The following TTC7A variants were observed in gnomAD, a reference collection of about 807,000 sequenced individuals.
TTC7A encodes tetratricopeptide repeat domain 7A.
A neutral mutation model predicts 103.7 loss-of-function variants in TTC7A; 110 were observed. The observed-to-expected ratio is 1.06, with a 90% confidence interval of 0.91 to 1.24. The LOEUF is 1.24. TTC7A is among the 50% of genes most tolerant of loss of function. TTC7A has a pLI of 0.00. For synonymous variants in TTC7A, 521 were observed against 467.9 expected (o/e 1.11, Z -1.47); for missense variants, 1,340 against 1,116.3 (o/e 1.20, Z -2.86).
chr2:47,014,624 T>C (rs1678442763), intron 11 of TTC7A, among the ~76,000 whole-genome samples: 1 of 152,170 alleles, frequency 6.6e-6, no homozygotes, highest in Admixed American at 6.5e-5. Flanking sequence ...CAGGGGGTGT[T>C]CGTGCATGAG....
intron 2 of TTC7A, among the ~76,000 whole-genome samples, chr2:46,918,190 C>T (rs1253606622): frequency 6.6e-6 from 1 of 152,182 alleles, no homozygotes; most frequent in Non-Finnish European, 1.5e-5. Flanking sequence ...AAACCTGCAC[C>T]TCTCTCAGTC....
At chr2:46,977,629 G>T (rs1674006969) in intron 4 of TTC7A, among the ~76,000 whole-genome samples, 1 of 152,212 alleles carries the variant, frequency 6.6e-6, no homozygotes, top group South Asian at 2.1e-4. Context: ...TTAGATGTTT[G>T]TGGAATGAAT....
At chr2:46,931,591 G>A (rs1572651152) in intron 2 of TTC7A, among the ~76,000 whole-genome samples, 3 of 152,058 alleles carry the variant, frequency 2.0e-5, no homozygotes. Flanking sequence ...GTAGAAAGGG[G>A]TCACCAGCCA....
At chr2:47,009,886 G>GTTTTT (rs34401578) in intron 10 of TTC7A, among the ~76,000 whole-genome samples, 1 of 93,522 alleles carries the variant, frequency 1.1e-5, no homozygotes, top group Non-Finnish European at 2.0e-5. Flanking sequence ...GTGTGTGTGT[G>GTTTTT]TTTTTTTTTT....
At chr2:46,998,083 C>T (rs1044942135) in intron 8 of TTC7A, among the ~76,000 whole-genome samples, 2 of 152,050 alleles carry the variant, frequency 1.3e-5, no homozygotes, top group African/African-American at 4.8e-5. Flanking sequence ...GGTTGGCTGG[C>T]CAGGTGGTGT....
At chr2:47,045,013 G>A (rs1682164876) in intron 15 of TTC7A, among the ~76,000 whole-genome samples, 1 of 152,222 alleles carries the variant, frequency 6.6e-6, no homozygotes, top group Admixed American at 6.5e-5. Context: ...GATGGAGCAG[G>A]CCTGTGTGCT....
intron 3 of TTC7A, among the ~76,000 whole-genome samples, chr2:46,970,175 G>A (rs1023850165): frequency 1.3e-5 from 2 of 152,054 alleles, no homozygotes; most frequent in African/African-American, 2.4e-5. Flanking sequence ...ATTTTGGGGG[G>A]GACGGGGTTT....
chr2:47,053,547 G>GTTTGTTTGT (rs1553410727), intron 18 of TTC7A, among the ~76,000 whole-genome samples: 4,173 of 72,246 alleles, frequency 0.058, 68 homozygotes, highest in Non-Finnish European at 0.07. Flanking sequence ...TGTTTGTTTG[G>GTTTGTTTGT]TTGGTTGGTT....
In TTC7A at chr2:47,050,033, T is replaced by C. The variant is rs772003502; in HGVS notation, c.2004T>C (p.His668=). 2.5e-6 allele frequency: 4 copies of C among 1,613,872 alleles called. No homozygotes were observed. In the South Asian group the frequency reaches 4.4e-5, roughly 18 times the overall value. ...TGCACCTGACTTTGCCTGATGCCCA[T>C]GATGCAGACTCTGGTAAGAACGAGC... The part of the protein sequence containing the change: ...SGMHLTLPDA[H]DADSGSRRAS... Residue 668 remains histidine, a synonymous_variant, in exon 17 of 20, where the codon CAT becomes CAC. Coordinates refer to ENST00000319190, the MANE Select transcript of TTC7A (RefSeq NM_020458.4).
At chr2:46,917,052 C>T (rs905199027) in intron 1 of TTC7A, 7 of 624,660 alleles carry the variant, frequency 1.1e-5, no homozygotes, top group African/African-American at 1.1e-4. Context: ...TAGTTAGATG[C>T]CTTGAAAGTT....
chr2:46,990,008 A>G (rs927170124), intron 5 of TTC7A, among the ~76,000 whole-genome samples: 7 of 152,172 alleles, frequency 4.6e-5, no homozygotes, highest in Non-Finnish European at 1.0e-4. Context: ...AAGGGGCCAC[A>G]GTCATTCTTG....
chr2:47,040,974 A>C (rs11884118), intron 15 of TTC7A, among the ~76,000 whole-genome samples: 5,909 of 152,272 alleles, frequency 0.039, 154 homozygotes, highest in South Asian at 0.075. Context: ...GAGGGCATAA[A>C]TGTTGAAAGC....
At chr2:46,979,784 C>T (rs1674254691) in intron 5 of TTC7A, among the ~76,000 whole-genome samples, 1 of 152,220 alleles carries the variant, frequency 6.6e-6, no homozygotes, top group Non-Finnish European at 1.5e-5. Flanking sequence ...GCTGAGGTTT[C>T]CTGCCTGTCT....
At chr2:47,019,733 C>A (rs1484817400) in intron 11 of TTC7A, among the ~76,000 whole-genome samples, 1 of 148,664 alleles carries the variant, frequency 6.7e-6, no homozygotes, top group African/African-American at 2.6e-5. Context: ...CTGAAGCTGG[C>A]ATTTGCTGAG....
chr2:46,967,166 T>G (rs961485856), intron 3 of TTC7A, among the ~76,000 whole-genome samples: 3 of 152,084 alleles, frequency 2.0e-5, no homozygotes, highest in African/African-American at 7.2e-5. Flanking sequence ...TGAGCTGAGA[T>G]TGTGCCACTG....
intron 5 of TTC7A, among the ~76,000 whole-genome samples, chr2:46,992,020 C>G (rs929619753): frequency 2.6e-5 from 4 of 152,198 alleles, no homozygotes; most frequent in Admixed American, 2.6e-4. Flanking sequence ...CCCCCAGGAG[C>G]CTGTTTTGTG....
At chr2:46,959,499 G>A (rs1367400291) in intron 3 of TTC7A, among the ~76,000 whole-genome samples, 3 of 152,110 alleles carry the variant, frequency 2.0e-5, no homozygotes, top group Admixed American at 6.5e-5. Context: ...GCCTGAGCTG[G>A]TCAGGCTAGG....
In TTC7A at chr2:46,941,773, C is replaced by T; in HGVS notation, c.184+48C>T. ...TCGCCGGCAGCGAGCGCGCGAAACG[C>T]ACCGCCTCCTCCAGGAAGCGCGCCC... On this transcript the variant is annotated intron_variant, in intron 1 of 19. Transcript: ENST00000319190. This position sits in a 1 kb window ranked among gnomAD's most constrained non-coding sequence, Gnocchi z 4.2. 6.5e-7 allele frequency: 1 copy of T among 1,545,436 alleles called. No homozygotes were observed. Among genetic ancestry groups the T allele is most frequent in the South Asian group, 1.2e-5 (1 of 83,772 alleles).
intron 1 of TTC7A, among the ~76,000 whole-genome samples, chr2:46,945,260 T>C (rs1670831157): frequency 6.6e-6 from 1 of 152,004 alleles, no homozygotes; most frequent in Non-Finnish European, 1.5e-5. Flanking sequence ...TACACCCAGT[T>C]AATTTTTTTT....
Sources: allele counts gnomAD v4.1 joint callset (sites outside exome capture counted in the v4.1 genomes callset), GRCh38; gene constraint gnomAD v4.1.1; non-coding constraint Gnocchi (gnomAD v3.1); transcripts MANE v1.5; gene names NCBI Gene and HGNC (gene_info 2026-07-23, HGNC 2026-07-21).